The following ELL3 variants were observed in gnomAD, a reference collection of about 807,000 sequenced individuals.
ELL3 encodes the protein elongation factor for RNA polymerase II 3, also known as RNA polymerase II elongation factor ELL3.
Under a neutral mutation model 58.5 loss-of-function variants are expected in ELL3, and 48 were observed. The ratio of observed to expected loss-of-function variants is 0.82; its 90% confidence interval spans 0.65 to 1.04. ELL3 has a LOEUF of 1.04. Ranked by LOEUF, ELL3 falls within the 50% of genes least tolerant of loss-of-function variation. The probability of loss-of-function intolerance (pLI) is 0.00; values close to 1 mark genes in which losing one functional copy is unlikely to be tolerated. For missense variants in ELL3, 458 were observed against 478.4 expected, an observed-to-expected ratio of 0.96 and a Z score of 0.40; for synonymous variants, 174 against 173.2, an observed-to-expected ratio of 1.00 and a Z score of -0.04.
chr15:43,776,123 G>A lies in ELL3; in HGVS notation c.197C>T (p.Ser66Phe). The change falls in exon 3 of 11, where the codon TCC becomes TTC. Residue 66 changes from serine to phenylalanine, a missense_variant. Transcript: ENST00000319359. Reference sequence around the variant, plus strand: ...GGACACTATGAAGGAGAAGAGGCAGGACCAACCAGGGCCTGGGAGTCTCAG... The same window carrying A: ...GGACACTATGAAGGAGAAGAGGCAGAACCAACCAGGGCCTGGGAGTCTCAG... ...GYLRLPGPGW[S>F]CLFSFIVSQC... is the part of the protein sequence containing the mutation. The A allele has an allele frequency of 6.2e-7, 1 of 1,614,162 alleles. No individual in the cohort carries two copies. Among genetic ancestry groups the A allele is most frequent in the African/African-American group, 1.3e-5 (1 of 75,038 alleles).
intron 5 of ELL3, 30 bp from the exon 6 acceptor site, chr15:43,775,411 G>A (rs377049838): frequency 1.2e-6 from 2 of 1,609,672 alleles, no homozygotes; most frequent in Non-Finnish European, 1.7e-6. Flanking sequence ...TGGGACAGAT[G>A]AAGACCAGGG....
chr15:43,776,836 A>G lies in ELL3; in HGVS notation c.66T>C (p.Thr22=), dbSNP rs144079545. 7.8e-5 allele frequency: 125 copies of G among 1,612,288 alleles called. No individual in the cohort carries two copies. The African/African-American group carries it at 1.5e-3, about 19-fold the overall frequency. The change falls in exon 1 of 11, where the codon ACT becomes ACC. Residue 22 remains threonine, a synonymous_variant. Transcript: ENST00000319359. ...LRLCFTQAAR[T]SLLLLRLNDA... is the part of the protein sequence containing the mutation. Reference sequence around the variant, plus strand: ...CGTTGAGCCTGAGCAGTAAGAGGCTAGTCCGGGCAGCTTGCGTGAAGCAGA... The same window carrying G: ...CGTTGAGCCTGAGCAGTAAGAGGCTGGTCCGGGCAGCTTGCGTGAAGCAGA...
rs1383817906 is a variant in ELL3, at chr15:43,776,848, T to C, written c.54A>G (p.Gln18=). 1.9e-6 allele frequency: 3 copies of C among 1,612,226 alleles called. No individual in the cohort carries two copies. Among genetic ancestry groups the C allele is most frequent in the Middle Eastern group, 1.7e-4 (1 of 6,058 alleles). Reference sequence around the variant, plus strand: ...GCAGTAAGAGGCTAGTCCGGGCAGCTTGCGTGAAGCAGAGCCGGAGCTGTC... The same window carrying C: ...GCAGTAAGAGGCTAGTCCGGGCAGCCTGCGTGAAGCAGAGCCGGAGCTGTC... ...LRGQLRLCFT[Q]AARTSLLLLR... is the part of the protein sequence containing the mutation. The change falls in exon 1 of 11, where the codon CAA becomes CAG. Residue 18 remains glutamine, a synonymous_variant. Transcript: ENST00000319359.
At position 43,773,401 on chromosome 15, in the gene ELL3, C is replaced by T. The variant is rs372893238; in HGVS notation, c.1039-53G>A. The T allele has an allele frequency of 1.3e-3, 2,118 of 1,602,728 alleles. 1 individual carries two copies. Among genetic ancestry groups the T allele is most frequent in the Non-Finnish European group, 1.6e-3 (1,887 of 1,172,204 alleles). On this transcript the variant is annotated intron_variant, in intron 9 of 10. Transcript: ENST00000319359. ...TCAACATTAAGAAATGAGAGAGGGGCGGCCAGGCATGGTGGCTCACGCCTG... is the reference window on the plus strand; with the variant it reads ...TCAACATTAAGAAATGAGAGAGGGGTGGCCAGGCATGGTGGCTCACGCCTG...
chr15:43,773,874 T>TA (rs2086896277), intron 9 of ELL3, among the ~76,000 whole-genome samples: 1 of 151,924 alleles, frequency 6.6e-6, no homozygotes, highest in Non-Finnish European at 1.5e-5. Flanking sequence ...TGGTGGCACA[T>TA]ACCTATAATC....
At chr15:43,776,286 TG>T in intron 2 of ELL3, 135 bp from the exon 3 acceptor site, 1 of 1,079,320 alleles carries the variant, frequency 9.3e-7, no homozygotes, top group Non-Finnish European at 1.4e-6. Flanking sequence ...CAGGTGCAGC[TG>T]GGCCTGAGTT....
intron 2 of ELL3, 75 bp from the exon 3 acceptor site, chr15:43,776,226 C>T: frequency 7.2e-7 from 1 of 1,383,490 alleles, no homozygotes; most frequent in Non-Finnish European, 1.0e-6. Flanking sequence ...CGTCCGGGAG[C>T]CAGTCCGTAA....
intron 1 of ELL3, 101 bp downstream of exon 1, chr15:43,776,669 T>G (rs2086920401): frequency 6.5e-7 from 1 of 1,546,330 alleles, no homozygotes; most frequent in Non-Finnish European, 8.8e-7. Context: ...GGCCAGAGCT[T>G]GCGGAAGCCG....
chr15:43,776,008 C>A (rs749890034), intron 3 of ELL3, 31 bp downstream of exon 3: 1 of 1,612,956 alleles, frequency 6.2e-7, no homozygotes, highest in African/African-American at 1.3e-5. Context: ...TTCCACAAAC[C>A]CTTTCTTGCC....
Position 43,774,182 on chromosome 15 carries a change from CT to C in ELL3, c.1037del (p.Lys346ArgfsTer7). The C allele has an allele frequency of 6.2e-7, 1 of 1,614,040 alleles. No individual in the cohort carries two copies. Among genetic ancestry groups the C allele is most frequent in the Non-Finnish European group, 8.5e-7 (1 of 1,179,950 alleles). On this transcript the variant is annotated frameshift_variant and splice_region_variant, in exon 9 of 11. Transcript: ENST00000319359. LOFTEE classifies it high-confidence loss of function. ...KRVRRGTPEYKVLEDKIIQEY... is the reference protein window; with the variant it reads ...KRVRRGTPEYXVLEDKIIQEY... Reference sequence around the variant, plus strand: ...AAGCCAGGCTGGGTCCTGTCCTTACCTTGTATTCTGGAGTTCCTCGCCGAAC... The same window carrying C: ...AAGCCAGGCTGGGTCCTGTCCTTACCTGTATTCTGGAGTTCCTCGCCGAAC...
In ELL3 at chr15:43,775,800, T is replaced by C. The variant is rs1481172380; in HGVS notation, c.405A>G (p.Arg135=). The C allele has an allele frequency of 1.2e-6, 2 of 1,614,062 alleles. No individual in the cohort carries two copies. Among genetic ancestry groups the C allele is most frequent in the East Asian group, 2.2e-5 (1 of 44,902 alleles). Residue 135 remains arginine, a synonymous_variant, in exon 4 of 11, where the codon AGA becomes AGG. Transcript: ENST00000319359. ...CTGTGTTCTGCCAACTCTCAGGATGTCTGGCATCTTCAGTCAGGTTGTGTC... is the reference window on the plus strand; with the variant it reads ...CTGTGTTCTGCCAACTCTCAGGATGCCTGGCATCTTCAGTCAGGTTGTGTC... ...VQGHNLTEDA[R]HPESWQNTGG...
Position 43,776,869 on chromosome 15 carries a change from C to T in ELL3, c.33G>A (p.Gln11=), listed in dbSNP as rs777151235. 2 of 1,611,898 alleles carry T rather than the reference C, an allele frequency of 1.2e-6. No homozygotes were observed. Among genetic ancestry groups the T allele is most frequent in the Non-Finnish European group, 1.7e-6 (2 of 1,179,722 alleles). The part of the protein sequence containing the change: MEELQEPLRG[Q]LRLCFTQAAR... ...CAGCTTGCGTGAAGCAGAGCCGGAGCTGTCCTCTCAGAGGCTCCTGGAGCT... is the reference window on the plus strand; with the variant it reads ...CAGCTTGCGTGAAGCAGAGCCGGAGTTGTCCTCTCAGAGGCTCCTGGAGCT... Residue 11 remains glutamine (Q), a synonymous_variant, in exon 1 of 11, where the codon CAG becomes CAA. Transcript: ENST00000319359.
chr15:43,776,937 C>A lies in ELL3; in HGVS notation c.-36G>T. The A allele has an allele frequency of 6.2e-7, 1 of 1,603,838 alleles. No individual in the cohort carries two copies. Among genetic ancestry groups the A allele is most frequent in the Non-Finnish European group, 8.5e-7 (1 of 1,178,916 alleles). The stretch of plus-strand genomic sequence containing the variant: ...TCGAGTGCAAGCAGCACGGGGGCCA[C>A]AGGCGAGGGCCACCACCGCCACCTC... On this transcript the variant is annotated 5_prime_UTR_variant, in exon 1 of 11. Transcript: ENST00000319359.
At chr15:43,775,422 T>C (rs745655619) in intron 5 of ELL3, 41 bp from the exon 6 acceptor site, 1 of 1,607,526 alleles carries the variant, frequency 6.2e-7, no homozygotes, top group Non-Finnish European at 8.5e-7. Context: ...AAGACCAGGG[T>C]AGGAGGTGGA....
In ELL3 at chr15:43,775,547, G is replaced by A. The variant is rs1309213705; in HGVS notation, c.547C>T (p.His183Tyr). ...TACCTCACTTCCCACTGTGCCATGT[G>A]CTCCCTTGAGGATCCTGGGAGTGAC... ...GQSLPGSSRE[H>Y]MAQWEVRSQT... Residue 183 changes from histidine (H) to tyrosine (Y), a missense_variant, in exon 5 of 11, where the codon CAC (histidine) becomes TAC (tyrosine). Physicochemically the swap from His to Tyr is moderately conservative, Grantham distance 83. Transcript: ENST00000319359. 1.2e-6 allele frequency: 2 copies of A among 1,614,050 alleles called. No homozygotes were observed. The highest frequency in any genetic ancestry group is 1.7e-6 in the Non-Finnish European group (2 of 1,180,036).
intron 8 of ELL3, 51 bp from the exon 9 acceptor site, chr15:43,774,404 C>T (rs1016625381): frequency 1.9e-6 from 3 of 1,613,462 alleles, no homozygotes; most frequent in Admixed American, 1.7e-5. Context: ...CCTGAAAAGC[C>T]CCCAGCTTCC....
In ELL3 at chr15:43,775,777, G is replaced by A. The variant is rs1478475244; in HGVS notation, c.428C>T (p.Thr143Ile). 6.2e-7 allele frequency: 1 copy of A among 1,614,214 alleles called. No individual in the cohort carries two copies. ...DARHPESWQN[T>I]GGYSEGDAVS... ...TGCATCTCCTTCAGAATAGCCTCCT[G>A]TGTTCTGCCAACTCTCAGGATGTCT... Residue 143 changes from threonine (T) to isoleucine (I), a missense_variant, in exon 4 of 11, where the codon ACA (threonine) becomes ATA (isoleucine). By Grantham distance (89) the Thr-to-Ile change is moderately conservative (BLOSUM62 -1). Transcript: ENST00000319359.
rs1474192946 is a variant in ELL3, at chr15:43,775,686, T to G, written c.483+36A>C. On this transcript the variant is annotated intron_variant, in intron 4 of 10. Coordinates refer to ENST00000319359, the MANE Select transcript of ELL3 (RefSeq NM_025165.3). ...CTTGGACTTCAGGCTTTGCCCCACC[T>G]TATCACAACTCCCTGCAATTTCTGG... is the stretch of plus-strand genomic sequence containing the variant. 5 of 1,614,054 alleles carry G rather than the reference T, an allele frequency of 3.1e-6. No individual in the cohort carries two copies. In the African/African-American group the frequency reaches 5.3e-5, roughly 17 times the overall value.
intron 4 of ELL3, 26 bp from the exon 5 acceptor site, chr15:43,775,636 T>C: frequency 1.2e-6 from 2 of 1,614,118 alleles, no homozygotes; most frequent in Non-Finnish European, 1.7e-6. Flanking sequence ...GCAGGAGCAC[T>C]TGGTTCCCTG....
Sources: allele counts gnomAD v4.1 joint callset (sites outside exome capture counted in the v4.1 genomes callset), GRCh38; gene constraint gnomAD v4.1.1; transcripts MANE v1.5; gene names NCBI Gene and HGNC (gene_info 2026-07-23, HGNC 2026-07-21).